Variants in TRAPPC13 observed in about 807,000 individuals in gnomAD.
The protein encoded by TRAPPC13 is trafficking protein particle complex subunit 13, also known as REV7-interacting novel NHEJ regulator 1.
A neutral mutation model predicts 54.0 loss-of-function variants in TRAPPC13; 39 were observed. The observed-to-expected ratio is 0.72, with a 90% CI of 0.56 to 0.94. The LOEUF is 0.94. Ranked by LOEUF, TRAPPC13 falls within the 40% of genes least tolerant of loss-of-function variation. TRAPPC13 has a pLI of 0.00. For missense variants in TRAPPC13, 386 were observed against 488.1 expected (o/e 0.79, Z 1.97); for synonymous variants, 148 against 167.7 (o/e 0.88, Z 0.91).
At chr5:65,663,916 A>G (rs1561779397) in intron 11 of TRAPPC13, 1 of 238,638 alleles carries the variant, frequency 4.2e-6, no homozygotes, top group Non-Finnish European at 8.0e-6. Flanking sequence ...AAGATTAGAC[A>G]CAAATGTGTG....
At chr5:65,650,944 T>C (rs1561772888) in intron 6 of TRAPPC13, 62 bp downstream of exon 6, 1 of 1,178,288 alleles carries the variant, frequency 8.5e-7, no homozygotes, top group South Asian at 1.3e-5. Flanking sequence ...TAGTATACAG[T>C]TATTCCCGTT....
Position 65,665,692 on chromosome 5 carries a change from T to C in TRAPPC13, c.*1081T>C, listed in dbSNP as rs2150697748. ...ATGATTTTAAACTCTAAATCATGTGTTACTGTTACAAAACTTTCTCTCTCC... is the reference window on the plus strand; with the variant it reads ...ATGATTTTAAACTCTAAATCATGTGCTACTGTTACAAAACTTTCTCTCTCC... On this transcript the variant is annotated 3_prime_UTR_variant, in exon 13 of 13. Coordinates refer to ENST00000399438, the MANE Select transcript of TRAPPC13 (RefSeq NM_024941.4). The C allele has an allele frequency of 6.6e-6, 1 of 152,332 alleles. No individual in the cohort carries two copies. Among genetic ancestry groups the C allele is most frequent in the East Asian group, 1.9e-4 (1 of 5,186 alleles). 9.4% of individuals were successfully genotyped at this position (152,332 alleles called of 1,614,324 possible). A position where few individuals can be genotyped will look rare whatever the true frequency, so the allele number is the denominator to read the frequency against.
At chr5:65,645,479 A>G (rs1233390526) in intron 4 of TRAPPC13, among the ~76,000 whole-genome samples, 1 of 152,074 alleles carries the variant, frequency 6.6e-6, no homozygotes, top group Non-Finnish European at 1.5e-5. Context: ...CAAAGTGTCT[A>G]ACATAAAATT....
intron 6 of TRAPPC13, among the ~76,000 whole-genome samples, chr5:65,651,340 C>G (rs1482724852): frequency 6.6e-6 from 1 of 152,142 alleles, no homozygotes; most frequent in African/African-American, 2.4e-5. Flanking sequence ...GTGATCACGC[C>G]ACTGCACTCC....
At chr5:65,648,498 T>A (rs1011105332) in intron 5 of TRAPPC13, among the ~76,000 whole-genome samples, 1 of 152,222 alleles carries the variant, frequency 6.6e-6, no homozygotes, top group African/African-American at 2.4e-5. Context: ...TGGTAATAAA[T>A]GTGTAAAATC....
Position 65,650,842 on chromosome 5 carries a change from C to T in TRAPPC13, c.461C>T (p.Ala154Val). Residue 154 changes from alanine (A) to valine (V), a missense_variant, in exon 6 of 13, where the codon GCT (alanine) becomes GTT (valine). Coordinates refer to ENST00000399438, the MANE Select transcript of TRAPPC13 (RefSeq NM_024941.4). ...TGTGCTGTGAGTTATACAACTCAGGCTGGAGAAAAAATGTATTTCAGAAAA... is the reference window on the plus strand; with the variant it reads ...TGTGCTGTGAGTTATACAACTCAGGTTGGAGAAAAAATGTATTTCAGAAAA... ...LVCAVSYTTQ[A>V]GEKMYFRKFF... 6.2e-7 allele frequency: 1 copy of T among 1,613,184 alleles called. No homozygotes were observed. Among genetic ancestry groups the T allele is most frequent in the Non-Finnish European group, 8.5e-7 (1 of 1,179,642 alleles).
At chr5:65,659,018 C>T (rs1384595038) in intron 9 of TRAPPC13, among the ~76,000 whole-genome samples, 2 of 152,158 alleles carry the variant, frequency 1.3e-5, no homozygotes, top group South Asian at 2.1e-4. Flanking sequence ...CTGTGCCTGG[C>T]CTACATCTTG....
chr5:65,647,783 T>C (rs1474572844), intron 5 of TRAPPC13, among the ~76,000 whole-genome samples: 1 of 152,136 alleles, frequency 6.6e-6, no homozygotes, highest in African/African-American at 2.4e-5. Flanking sequence ...AAAATCCTAT[T>C]AATTCTCCTG....
chr5:65,649,315 T>C (rs1292201494), intron 5 of TRAPPC13, among the ~76,000 whole-genome samples: 1 of 152,226 alleles, frequency 6.6e-6, no homozygotes, highest in African/African-American at 2.4e-5. Flanking sequence ...TTTTTCACTG[T>C]TAAAAGTAAC....
intron 4 of TRAPPC13, among the ~76,000 whole-genome samples, chr5:65,646,372 C>T (rs183003281): frequency 7.9e-5 from 12 of 152,188 alleles, no homozygotes; most frequent in East Asian, 3.9e-4. Flanking sequence ...TTGTTTTGGA[C>T]GATTACTTAT....
intron 1 of TRAPPC13, chr5:65,630,144 C>T (rs780131677): frequency 6.5e-7 from 1 of 1,535,988 alleles, no homozygotes; most frequent in South Asian, 1.2e-5. Context: ...GACATTTGGA[C>T]AAAACTCAAT....
chr5:65,641,271 A>T (rs370968283), intron 4 of TRAPPC13, among the ~76,000 whole-genome samples: 128 of 152,252 alleles, frequency 8.4e-4, no homozygotes, highest in African/African-American at 3.0e-3. Flanking sequence ...ACTTAAGAGG[A>T]TATAGGTCAT....
Position 65,652,522 on chromosome 5 carries a change from A to T in TRAPPC13, c.523A>T (p.Lys175Ter). 1 of 1,609,802 alleles carries T rather than the reference A, an allele frequency of 6.2e-7. No homozygotes were observed. The highest frequency in any genetic ancestry group is 8.5e-7 in the Non-Finnish European group (1 of 1,176,538). ...CCAGGTTCTCAAACCATTGGATGTGAAAACCAAATTTTACAATGCAGAGGT... is the reference window on the plus strand; with the variant it reads ...CCAGGTTCTCAAACCATTGGATGTGTAAACCAAATTTTACAATGCAGAGGT... Reference protein sequence around the residue: ...KFQVLKPLDVKTKFYNAESDL... With the variant: ...KFQVLKPLDV The change falls in exon 7 of 13, where the codon AAA becomes TAA. Residue 175 changes from lysine to a stop codon, truncating the protein, a stop_gained. Transcript: ENST00000399438. LOFTEE classifies it high-confidence loss of function.
chr5:65,631,068 C>T (rs1417578593), intron 1 of TRAPPC13, among the ~76,000 whole-genome samples: 1 of 152,132 alleles, frequency 6.6e-6, no homozygotes, highest in Non-Finnish European at 1.5e-5. Flanking sequence ...TTTGTAGAAG[C>T]ATGTATGTTT....
intron 7 of TRAPPC13, among the ~76,000 whole-genome samples, chr5:65,655,146 C>A (rs545607291): frequency 3.5e-4 from 54 of 152,272 alleles, no homozygotes; most frequent in Admixed American, 6.5e-4. Context: ...AGTGGTTCAG[C>A]CCCACATTCC....
intron 1 of TRAPPC13, among the ~76,000 whole-genome samples, chr5:65,632,662 G>A (rs1419718592): frequency 6.6e-6 from 1 of 152,186 alleles, no homozygotes; most frequent in Non-Finnish European, 1.5e-5. Context: ...TGGGGTTAAT[G>A]TAATACCAAC....
Position 65,664,587 on chromosome 5 carries a change from T to A in TRAPPC13, c.1230T>A (p.Ser410=), listed in dbSNP as rs1756970791. ...ACATCGCACAAGTCTGTGTGGTATC[T>A]TCTGCCATTAAAGTGGAAAGCTGAA... is the stretch of plus-strand genomic sequence containing the variant. ...YDDIAQVCVV[S]SAIKVES Residue 410 remains serine (S), a synonymous_variant, in exon 13 of 13, where the codon TCT becomes TCA. Coordinates refer to ENST00000399438, the MANE Select transcript of TRAPPC13 (RefSeq NM_024941.4). 1.2e-6 allele frequency: 2 copies of A among 1,612,788 alleles called. No individual in the cohort carries two copies. The highest frequency in any genetic ancestry group is 2.2e-5 in the East Asian group (1 of 44,862).
chr5:65,637,938 G>A (rs1458190541), intron 4 of TRAPPC13, among the ~76,000 whole-genome samples, 158 bp downstream of exon 4: 1 of 151,498 alleles, frequency 6.6e-6, no homozygotes, highest in Non-Finnish European at 1.5e-5. Context: ...GGCCAACATG[G>A]TGAAACCCCA....
intron 8 of TRAPPC13, 39 bp from the exon 9 acceptor site, chr5:65,658,329 G>T (rs1379024752): frequency 2.0e-6 from 3 of 1,538,322 alleles, no homozygotes; most frequent in Non-Finnish European, 2.6e-6. Context: ...TATTTTAAAT[G>T]CCACCACACC....
Sources: gnomAD v4.1 joint callset for allele counts (sites outside exome capture counted in the v4.1 genomes callset) on GRCh38, gnomAD v4.1.1 for gene constraint, MANE v1.5 for transcripts, NCBI Gene and HGNC (gene_info 2026-07-23, HGNC 2026-07-21) for gene names.